CAPS2: variants seen among roughly 807,000 people sequenced by gnomAD.
CAPS2 encodes the protein calcyphosin-2.
A neutral mutation model predicts 86.5 loss-of-function variants in CAPS2; 98 were observed. The ratio of observed to expected loss-of-function variants is 1.13; its 90% CI spans 0.96 to 1.34. The LOEUF is 1.34. Among genes scored for constraint, CAPS2 ranks in the 40% most tolerant of loss-of-function variants. CAPS2 has a pLI of 0.00. For synonymous variants in CAPS2, 210 were observed against 225.1 expected (o/e 0.93, Z 0.60); for missense variants, 729 against 686.8 (o/e 1.06, Z -0.69).
In CAPS2 at chr12:75,285,836, C is replaced by T. The variant is rs1593216423; in HGVS notation, c.1396-756G>A. Reference sequence around the variant, plus strand: ...GGAGTGCTTCCAATGGCATTATAACCACTAATTATATTTCTGCTAGTCTTC... The same window carrying T: ...GGAGTGCTTCCAATGGCATTATAACTACTAATTATATTTCTGCTAGTCTTC... On this transcript the variant is annotated intron_variant, in intron 14 of 16. Coordinates refer to ENST00000393284, the Ensembl canonical transcript of CAPS2. Among the ~76,000 whole-genome samples, 7 of 151,900 alleles carry T rather than the reference C, an allele frequency of 4.6e-5. 1 individual carries two copies. The highest frequency in any genetic ancestry group is 4.6e-4 in the Admixed American group (7 of 15,248).
intron 11 of CAPS2, among the ~76,000 whole-genome samples, chr12:75,295,526 G>T (rs902437327): frequency 9.9e-5 from 15 of 152,162 alleles, no homozygotes; most frequent in African/African-American, 3.4e-4. Context: ...TAAAAATATG[G>T]CTTCAGGAAT....
At chr12:75,364,997 TTTTACCAGC>T (rs1306744031) in intron 1 of CAPS2, 6 of 152,090 alleles carry the variant, frequency 3.9e-5, no homozygotes, top group African/African-American at 1.4e-4. Flanking sequence ...AAAGTCCCTG[TTTTACCAGC>T]TGTTTAGGCA....
At chr12:75,295,261 T>G (rs2036688293) in intron 11 of CAPS2, 2 of 152,326 alleles carry the variant, frequency 1.3e-5, no homozygotes, top group South Asian at 4.1e-4. Context: ...TACCTATACT[T>G]CAAATTTAAA....
chr12:75,316,708 T>C (rs147959731), intron 5 of CAPS2, among the ~76,000 whole-genome samples: 3 of 152,266 alleles, frequency 2.0e-5, no homozygotes, highest in Non-Finnish European at 2.9e-5. Context: ...GAGATATACA[T>C]GTCCAACACT....
intron 7 of CAPS2, among the ~76,000 whole-genome samples, chr12:75,311,493 T>C (rs1192449467): frequency 6.6e-6 from 1 of 151,794 alleles, no homozygotes; most frequent in Non-Finnish European, 1.5e-5. Flanking sequence ...AAAGTTAAAT[T>C]GAAATCTTAG....
exon 17 of CAPS2, chr12:75,277,300 C>A (rs1165452518): frequency 1.0e-6 from 1 of 969,052 alleles, no homozygotes; most frequent in African/African-American, 1.8e-5. Context: ...GAACAGGTTT[C>A]TTAAGAACTA....
At chr12:75,385,667 G>T (rs548932433) in intron 1 of CAPS2, among the ~76,000 whole-genome samples, 1 of 152,218 alleles carries the variant, frequency 6.6e-6, no homozygotes, top group African/African-American at 2.4e-5. Flanking sequence ...AAATGTCTTT[G>T]TTTGCCGATG....
intron 8 of CAPS2, among the ~76,000 whole-genome samples, chr12:75,300,365 C>T (rs1429351068): frequency 6.6e-6 from 1 of 151,642 alleles, no homozygotes; most frequent in Non-Finnish European, 1.5e-5. Flanking sequence ...GACCATCTGG[C>T]TAACACGGTG....
intron 1 of CAPS2, among the ~76,000 whole-genome samples, chr12:75,389,003 C>A (rs548136233): frequency 2.6e-4 from 39 of 151,724 alleles, no homozygotes; most frequent in African/African-American, 8.7e-4. Context: ...CAAAACAAAA[C>A]AAAAAAAACA....
chr12:75,283,803 G>C (rs978875468), intron 15 of CAPS2, among the ~76,000 whole-genome samples: 2 of 152,030 alleles, frequency 1.3e-5, no homozygotes, highest in Admixed American at 1.3e-4. Flanking sequence ...AACAGAGCAA[G>C]ACTCCACCTC....
upstream of CAPS2, chr12:75,334,563 T>G (rs963581205): frequency 4.2e-6 from 6 of 1,419,318 alleles, no homozygotes; most frequent in Non-Finnish European, 5.5e-6. Flanking sequence ...TGCCTGTTCT[T>G]CCCCACAGCG....
chr12:75,325,974 T>C (rs2040742078), intron 1 of CAPS2, among the ~76,000 whole-genome samples: 1 of 152,144 alleles, frequency 6.6e-6, no homozygotes, highest in Admixed American at 6.5e-5. Context: ...TCATAAAAAT[T>C]ACAGCAAGCT....
At chr12:75,364,772 T>C (rs1220967663) in intron 1 of CAPS2, 1 of 152,212 alleles carries the variant, frequency 6.6e-6, no homozygotes, top group Non-Finnish European at 1.5e-5. Flanking sequence ...GCCACATTTC[T>C]TTTTGTTGTC....
chr12:75,342,960 T>C (rs1402318942), intron 1 of CAPS2, among the ~76,000 whole-genome samples: 2 of 116,606 alleles, frequency 1.7e-5, no homozygotes, highest in Admixed American at 8.0e-5. Flanking sequence ...AGATATATAA[T>C]AGATTTTGCA....
At chr12:75,356,325 TAA>T (rs2043153829) in intron 1 of CAPS2, among the ~76,000 whole-genome samples, 2 of 152,132 alleles carry the variant, frequency 1.3e-5, no homozygotes, top group Non-Finnish European at 2.9e-5. Context: ...CTGGAGATGA[TAA>T]GTTTGTGGAT....
intron 6 of CAPS2, among the ~76,000 whole-genome samples, chr12:75,314,459 T>C (rs933108917): frequency 2.6e-5 from 4 of 152,154 alleles, no homozygotes; most frequent in Non-Finnish European, 1.5e-5. Context: ...AAATTCAAAA[T>C]GTGTAGTTTA....
At chr12:75,306,249 A>G in intron 7 of CAPS2, 1 of 640,836 alleles carries the variant, frequency 1.6e-6, no homozygotes. Context: ...CAAATCATGG[A>G]GTTCCTGGCC....
At chr12:75,360,069 A>G (rs963344328) in intron 1 of CAPS2, 1 of 152,154 alleles carries the variant, frequency 6.6e-6, no homozygotes, top group Non-Finnish European at 1.5e-5. Context: ...CTCACTCACT[A>G]TCATGAGAAC....
chr12:75,364,220 A>C (rs2043811366), intron 1 of CAPS2, among the ~76,000 whole-genome samples: 1 of 152,210 alleles, frequency 6.6e-6, no homozygotes, highest in South Asian at 2.1e-4. Flanking sequence ...ATAATGAGAC[A>C]TGTCTGACCT....
Sources: allele counts gnomAD v4.1 joint callset (sites outside exome capture counted in the v4.1 genomes callset), GRCh38; gene constraint gnomAD v4.1.1; transcripts MANE v1.5; gene names NCBI Gene and HGNC (gene_info 2026-07-23, HGNC 2026-07-21).